Variants in EML6 observed in about 807,000 individuals in gnomAD.
EML6 encodes EMAP like 6.
Under a neutral mutation model 240.1 loss-of-function variants are expected in EML6, and 154 were observed. The ratio of observed to expected loss-of-function variants is 0.64; its 90% CI spans 0.56 to 0.73. The LOEUF (loss-of-function observed/expected upper bound fraction) is 0.73. Ranked by LOEUF, EML6 falls within the 30% of genes least tolerant of loss-of-function variation. The probability of loss-of-function intolerance (pLI) is 0.00; values close to 1 mark genes in which losing one functional copy is unlikely to be tolerated. For synonymous variants in EML6, 1,148 were observed against 899.0 expected (o/e 1.28, Z -4.95); for missense variants, 2,964 against 2,474.6 (o/e 1.20, Z -4.20).
intron 2 of EML6, among the ~76,000 whole-genome samples, chr2:54,730,405 C>T (rs1683101384): frequency 6.6e-6 from 1 of 151,954 alleles, no homozygotes; most frequent in African/African-American, 2.4e-5. Context: ...TTCTTTAGTC[C>T]CTTGACCAGT....
chr2:54,868,126 T>A (rs547002926), intron 14 of EML6: 41 of 152,354 alleles, frequency 2.7e-4, no homozygotes, highest in African/African-American at 9.9e-4. Flanking sequence ...CATGTTGATA[T>A]AGTAATATCT....
At chr2:54,847,032 C>A (rs1284128569) in intron 8 of EML6, among the ~76,000 whole-genome samples, 1 of 151,686 alleles carries the variant, frequency 6.6e-6, no homozygotes, top group Admixed American at 6.6e-5. Flanking sequence ...CTGTGCCCCC[C>A]AAGTAGCTGG....
intron 32 of EML6, among the ~76,000 whole-genome samples, chr2:54,955,009 A>C (rs1477560667): frequency 6.6e-6 from 1 of 152,206 alleles, no homozygotes; most frequent in African/African-American, 2.4e-5. Context: ...AGATCAGCAC[A>C]CTGGGGGAAA....
At chr2:54,911,400 T>C (rs891776677) in intron 25 of EML6, among the ~76,000 whole-genome samples, 1 of 152,170 alleles carries the variant, frequency 6.6e-6, no homozygotes, top group Non-Finnish European at 1.5e-5. Flanking sequence ...TGGTTATTTG[T>C]AATTATGAAC....
At chr2:54,804,516 T>C (rs1670362524) in intron 2 of EML6, among the ~76,000 whole-genome samples, 1 of 152,248 alleles carries the variant, frequency 6.6e-6, no homozygotes. Context: ...GGTGAGAACC[T>C]CTGCGAGTTG....
At chr2:54,815,885 G>A (rs773708210) in intron 3 of EML6, among the ~76,000 whole-genome samples, 1 of 152,070 alleles carries the variant, frequency 6.6e-6, no homozygotes, top group Non-Finnish European at 1.5e-5. Flanking sequence ...TCTTACACTT[G>A]GGGAATACCA....
At position 54,928,417 on chromosome 2, in the gene EML6, C is replaced by T; in HGVS notation, c.3780C>T (p.Asp1260=). 1 of 1,546,916 alleles carries T rather than the reference C, an allele frequency of 6.5e-7. No individual in the cohort carries two copies. The highest frequency in any genetic ancestry group is 1.4e-5 in the African/African-American group (1 of 72,180). Reference sequence around the variant, plus strand: ...TGCTGCTCACGGTGGGCGGCGCCGACACAGCCCTGATGATCTGGACCAGGG... The same window carrying T: ...TGCTGCTCACGGTGGGCGGCGCCGATACAGCCCTGATGATCTGGACCAGGG... ...DSVLLTVGGA[D]TALMIWTREF... is the part of the protein sequence containing the mutation. Residue 1260 remains aspartate, a synonymous_variant, in exon 27 of 42, where the codon GAC becomes GAT. Transcript: ENST00000356458.
In EML6 at chr2:54,789,513, C is replaced by CAAAAAA. The variant is rs576842183; in HGVS notation, c.198-23689_198-23684dup. 5.0e-3 allele frequency among the ~76,000 whole-genome samples: 393 copies of CAAAAAA among 77,838 alleles called. 2 individuals carry two copies. The highest frequency in any genetic ancestry group is 7.2e-3 in the Non-Finnish European group (285 of 39,468). The allele number at this position is 77,838 out of a possible 152,430, so 51.1% of individuals were successfully genotyped here. On this transcript the variant is annotated intron_variant, in intron 2 of 41. Coordinates refer to ENST00000356458, the MANE Select transcript of EML6 (RefSeq NM_001039753.4). ...TGGGCCACAGAGCGAGACTTCGTCT[C>CAAAAAA]AAAAAAAAAAAAAAAAAAAAAAAAA...
intron 2 of EML6, among the ~76,000 whole-genome samples, chr2:54,778,841 G>A (rs6743161): frequency 0.028 from 3,981 of 142,142 alleles, 158 homozygotes; most frequent in African/African-American, 0.093. Flanking sequence ...GCAGTGAGCC[G>A]AGATTGTGCC....
intron 31 of EML6, 42 bp downstream of exon 31, chr2:54,952,734 G>A: frequency 7.4e-7 from 1 of 1,357,468 alleles, no homozygotes; most frequent in Non-Finnish European, 1.0e-6. Flanking sequence ...CAGCTTGCAG[G>A]GACGCTGACC....
At chr2:54,865,968 A>T (rs1670949862) in intron 13 of EML6, among the ~76,000 whole-genome samples, 1 of 151,986 alleles carries the variant, frequency 6.6e-6, no homozygotes, top group Non-Finnish European at 1.5e-5. Context: ...TGAAAGCATC[A>T]TGAATTAAGT....
chr2:54,766,646 A>T (rs1668199080), intron 2 of EML6, among the ~76,000 whole-genome samples: 1 of 152,070 alleles, frequency 6.6e-6, no homozygotes, highest in Non-Finnish European at 1.5e-5. Context: ...TAATTAACAT[A>T]TATCTTGTGG....
chr2:54,930,394 G>C (rs1011227425), intron 28 of EML6, among the ~76,000 whole-genome samples: 1 of 152,188 alleles, frequency 6.6e-6, no homozygotes, highest in Non-Finnish European at 1.5e-5. Context: ...TAGGAGGACT[G>C]ATGATAGAGA....
chr2:54,850,268 C>T, intron 10 of EML6, 50 bp downstream of exon 10: 1 of 1,507,086 alleles, frequency 6.6e-7, no homozygotes, highest in Middle Eastern at 1.7e-4. Flanking sequence ...AATTTTGAAC[C>T]AGGTGAAGGA....
chr2:54,968,357 T>C (rs1676840672), intron 40 of EML6, 76 bp downstream of exon 40: 1 of 1,371,052 alleles, frequency 7.3e-7, no homozygotes, highest in South Asian at 1.3e-5. Flanking sequence ...CACGTCTAGA[T>C]GGCCCTCTGG....
Position 54,847,510 on chromosome 2 carries a change from C to G in EML6, c.1074C>G (p.Ala358=), listed in dbSNP as rs776402467. 16 of 1,551,800 alleles carry G rather than the reference C, an allele frequency of 1.0e-5. No individual in the cohort carries two copies. The highest frequency in any genetic ancestry group is 2.0e-5 in the Admixed American group (1 of 50,994). The change falls in exon 9 of 42, where the codon GCC becomes GCG. Residue 358 remains alanine (A), a synonymous_variant. Coordinates refer to ENST00000356458, the MANE Select transcript of EML6 (RefSeq NM_001039753.4). ...GGCTGTGGAGCCTGGCTGATCATGC[C>G]TTGATCGCCCGCTGTAACATGGAAG... ...SVRLWSLADH[A]LIARCNMEEA...
chr2:54,787,979 C>T (rs1409294480), intron 2 of EML6, among the ~76,000 whole-genome samples: 3 of 152,114 alleles, frequency 2.0e-5, no homozygotes, highest in Admixed American at 6.5e-5. Context: ...TTCCTCATCT[C>T]GCAGACCCAA....
At chr2:54,961,183 A>T (rs376326922) in intron 35 of EML6, among the ~76,000 whole-genome samples, 2 of 7,882 alleles carry the variant, frequency 2.5e-4, no homozygotes, top group African/African-American at 9.7e-4. Context: ...ATCAGGAAGT[A>T]GTTTTTTTTT....
chr2:54,861,859 C>G (rs1670690845), intron 12 of EML6, among the ~76,000 whole-genome samples: 1 of 151,214 alleles, frequency 6.6e-6, no homozygotes, highest in African/African-American at 2.4e-5. Flanking sequence ...ACGAGCAAGA[C>G]ATCTCCAGAA....
Sources: allele counts gnomAD v4.1 joint callset (sites outside exome capture counted in the v4.1 genomes callset), GRCh38; gene constraint gnomAD v4.1.1; transcripts MANE v1.5; gene names NCBI Gene and HGNC (gene_info 2026-07-23, HGNC 2026-07-21).